YBEY: variants seen among roughly 807,000 people sequenced by gnomAD.
YBEY encodes ybeY metalloendoribonuclease, also known as endoribonuclease YbeY.
In YBEY, 15 loss-of-function variants were observed where a neutral mutation model predicts 13.5. The ratio of observed to expected loss-of-function variants is 1.11; its 90% confidence interval spans 0.75 to 1.72. The LOEUF is 1.72. YBEY is among the 40% of genes most tolerant of loss of function. The pLI is 0.00. For synonymous variants in YBEY, 101 were observed against 83.1 expected (o/e 1.21, Z -1.17); for missense variants, 244 against 208.4 (o/e 1.17, Z -1.05).
the YBEY span, among the ~76,000 whole-genome samples, chr21:46,310,161 AGTATAT>A: frequency 1.3e-5 from 2 of 152,144 alleles, no homozygotes; most frequent in East Asian, 3.9e-4. Context: ...TAGTGATATA[AGTATAT>A]GTTATATGTA....
At chr21:46,311,583 T>C in the YBEY span, 2 of 1,506,332 alleles carry the variant, frequency 1.3e-6, no homozygotes, top group Non-Finnish European at 1.8e-6. Flanking sequence ...AACAGCCAGG[T>C]GATTAGCTAT....
the YBEY span, among the ~76,000 whole-genome samples, chr21:46,305,398 C>G: frequency 6.9e-6 from 1 of 145,108 alleles, no homozygotes; most frequent in African/African-American, 2.6e-5. Flanking sequence ...GGTGTGAACA[C>G]AGCTCACTGC....
At chr21:46,290,119 C>T (rs1003733206) in intron 2 of YBEY, among the ~76,000 whole-genome samples, 5 of 152,052 alleles carry the variant, frequency 3.3e-5, no homozygotes, top group Non-Finnish European at 7.4e-5. Context: ...GTATGAGAAT[C>T]CTCTCTTCAT....
chr21:46,310,378 C>T, the YBEY span, among the ~76,000 whole-genome samples: 1 of 151,794 alleles, frequency 6.6e-6, no homozygotes, highest in Non-Finnish European at 1.5e-5. Context: ...ACTCGAGAGG[C>T]TGAGGCAGGA....
At chr21:46,302,124 G>A (rs373462670), downstream of YBEY, 13 of 1,521,558 alleles carry the variant, frequency 8.5e-6, no homozygotes, top group Admixed American at 4.1e-5. Flanking sequence ...CTGGCAGCTC[G>A]TGGGACCCTC....
downstream of YBEY, chr21:46,302,264 G>A (rs2145884917): frequency 7.0e-7 from 1 of 1,426,558 alleles, no homozygotes; most frequent in Non-Finnish European, 9.2e-7. Flanking sequence ...AGGATGGCAG[G>A]GTCTAAGCAT....
the YBEY span, among the ~76,000 whole-genome samples, chr21:46,311,969 A>AT: frequency 6.1e-5 from 2 of 32,682 alleles, no homozygotes; most frequent in Non-Finnish European, 1.1e-4. Context: ...CCACCCACCC[A>AT]CCCACCCATC....
intron 3 of YBEY, 135 bp downstream of exon 3, chr21:46,291,597 G>T (rs1169342445): frequency 6.7e-7 from 1 of 1,482,134 alleles, no homozygotes; most frequent in Non-Finnish European, 8.9e-7. Context: ...CTGTAAGCAG[G>T]GTGTGAGGAG....
intron 4 of YBEY, among the ~76,000 whole-genome samples, chr21:46,297,247 C>T (rs544058628): frequency 2.0e-5 from 3 of 150,046 alleles, no homozygotes; most frequent in Admixed American, 6.6e-5. Flanking sequence ...TGCAGTGAGC[C>T]CTCCTCCCCT....
intron 3 of YBEY, among the ~76,000 whole-genome samples, chr21:46,295,092 CG>C (rs1051962061): frequency 1.3e-5 from 2 of 152,070 alleles, no homozygotes; most frequent in Admixed American, 6.6e-5. Flanking sequence ...CAACTGTGGG[CG>C]GGGGGGTATG....
At chr21:46,294,770 A>T (rs73388637) in intron 3 of YBEY, among the ~76,000 whole-genome samples, 59,433 of 101,950 alleles carry the variant, frequency 0.58, 21,124 homozygotes, top group Non-Finnish European at 0.71. Context: ...AAAAAAAAAA[A>T]AAAAAAGGAA....
Position 46,286,415 on chromosome 21 carries a change from G to A in YBEY, c.-45G>A, listed in dbSNP as rs567447894. On this transcript the variant is annotated splice_region_variant and 5_prime_UTR_variant, in exon 1 of 5. Coordinates refer to ENST00000397701, the MANE Select transcript of YBEY (RefSeq NM_001314025.2). ...GCGTCCTTTGCTGGGTCCAGACACC[G>A]GTACGTCCGGGCGGGTTTTTAGTCT... 8.2e-4 allele frequency: 128 copies of A among 156,480 alleles called. 1 individual carries two copies. The highest frequency in any genetic ancestry group is 7.7e-3 in the Admixed American group (121 of 15,680). 9.7% of individuals were successfully genotyped at this position (156,480 alleles called of 1,614,324 possible).
the YBEY span, among the ~76,000 whole-genome samples, chr21:46,303,708 A>AATATAT: frequency 5.4e-5 from 2 of 37,274 alleles, no homozygotes; most frequent in African/African-American, 2.1e-4. Flanking sequence ...ACACACACAA[A>AATATAT]ATATATATAT....
intron 2 of YBEY, among the ~76,000 whole-genome samples, chr21:46,289,063 G>C (rs1477519362): frequency 1.3e-5 from 2 of 152,158 alleles, no homozygotes; most frequent in Non-Finnish European, 2.9e-5. Flanking sequence ...GAAAATAAGA[G>C]GAGCATCCTA....
rs548744636 is a variant in YBEY, at chr21:46,297,078, C to G, written c.409-461C>G. Among the ~76,000 whole-genome samples, 213 of 152,298 alleles carry G rather than the reference C, an allele frequency of 1.4e-3. 2 individuals are homozygous for G. The highest frequency in any genetic ancestry group is 0.01 in the Middle Eastern group (3 of 294). On this transcript the variant is annotated intron_variant, in intron 4 of 4. Transcript: ENST00000397701. The stretch of plus-strand genomic sequence containing the variant: ...CTTTGGGAGGCCGAGGAGGGTGGAT[C>G]ACTTGAGGTCAGGAGTTCAAGACCA...
downstream of YBEY, among the ~76,000 whole-genome samples, chr21:46,298,945 C>T (rs2082040423): frequency 1.3e-5 from 2 of 151,790 alleles, no homozygotes; most frequent in Admixed American, 6.6e-5. Context: ...TGGGCTTGAA[C>T]TCCTGACCTC....
chr21:46,311,427 C>G, the YBEY span: 1 of 1,374,940 alleles, frequency 7.3e-7, no homozygotes, highest in Non-Finnish European at 1.0e-6. Flanking sequence ...TTTCCTCAAC[C>G]CACAACAATA....
At chr21:46,303,731 ATATATATATATATATTTTTTTTT>A in the YBEY span, among the ~76,000 whole-genome samples, 4 of 28,436 alleles carry the variant, frequency 1.4e-4, no homozygotes, top group African/African-American at 6.9e-4. Flanking sequence ...ATATATATAT[ATATATATATATATATTTTTTTTT>A]TTTTTTTTTT....
downstream of YBEY, chr21:46,302,413 A>G: frequency 1.6e-6 from 2 of 1,250,952 alleles, no homozygotes; most frequent in South Asian, 2.6e-5. Context: ...ACACAGATGC[A>G]GAAATTTCCA....
Sources: gnomAD v4.1 joint callset for allele counts (sites outside exome capture counted in the v4.1 genomes callset) on GRCh38, gnomAD v4.1.1 for gene constraint, MANE v1.5 for transcripts, NCBI Gene and HGNC (gene_info 2026-07-23, HGNC 2026-07-21) for gene names.